CFAP43: variants seen among roughly 807,000 people sequenced by gnomAD.
The protein encoded by CFAP43 is cilia- and flagella-associated protein 43.
Under a neutral mutation model 218.9 loss-of-function variants are expected in CFAP43, and 155 were observed. The observed-to-expected ratio is 0.71, with a 90% confidence interval of 0.62 to 0.81. CFAP43 has a LOEUF of 0.81. CFAP43 is among the 30% of genes least tolerant of loss of function. The probability of loss-of-function intolerance (pLI) is 0.00; values close to 1 mark genes in which losing one functional copy is unlikely to be tolerated. For synonymous variants in CFAP43, 645 were observed against 681.3 expected, an observed-to-expected ratio of 0.95 and a Z score of 0.83; for missense variants, 1,778 against 1,954.3, an observed-to-expected ratio of 0.91 and a Z score of 1.70.
intron 35 of CFAP43, 181 bp downstream of exon 35, chr10:104,133,439 G>T: frequency 1.7e-6 from 1 of 572,768 alleles, no homozygotes; most frequent in Non-Finnish European, 2.8e-6. Flanking sequence ...AATGGGTCAT[G>T]AAGAACTGGA....
At position 104,161,949 on chromosome 10, in the gene CFAP43, C is replaced by T; in HGVS notation, c.3414+12G>A. 1 of 1,610,610 alleles carries T rather than the reference C, an allele frequency of 6.2e-7. No individual in the cohort carries two copies. Among genetic ancestry groups the T allele is most frequent in the Non-Finnish European group, 8.5e-7 (1 of 1,178,444 alleles). On this transcript the variant is annotated intron_variant, in intron 26 of 37. Transcript: ENST00000357060. ...CCATTCCACCTTCTATAAGGATGAA[C>T]AGAAATATCACCATTCTCAAAATAT...
chr10:104,214,470 T>A (rs1452602692), intron 3 of CFAP43, 44 bp from the exon 4 acceptor site: 4 of 1,471,296 alleles, frequency 2.7e-6, no homozygotes, highest in Admixed American at 4.5e-5. Context: ...TCATTTGAAT[T>A]TCATGTATTT....
intron 25 of CFAP43, 121 bp from the exon 26 acceptor site, chr10:104,162,162 T>C: frequency 4.8e-6 from 6 of 1,262,598 alleles, no homozygotes; most frequent in Non-Finnish European, 6.9e-6. Flanking sequence ...GGAAGGTAGG[T>C]AGTGCCTGGA....
At chr10:104,173,955 T>A (rs1279060241) in intron 19 of CFAP43, among the ~76,000 whole-genome samples, 1 of 152,194 alleles carries the variant, frequency 6.6e-6, no homozygotes, top group Non-Finnish European at 1.5e-5. Flanking sequence ...GAGAAGGGTA[T>A]AATTTTACAG....
intron 12 of CFAP43, among the ~76,000 whole-genome samples, chr10:104,190,105 C>T (rs1173639295): frequency 7.0e-6 from 1 of 143,290 alleles, no homozygotes; most frequent in East Asian, 2.1e-4. Context: ...CACTGCACTC[C>T]AGCCTGGGCG....
At chr10:104,179,135 A>G (rs1262327747) in intron 18 of CFAP43, 29 bp from the exon 19 acceptor site, 1 of 1,550,426 alleles carries the variant, frequency 6.4e-7, no homozygotes, top group African/African-American at 1.4e-5. Context: ...ATCACTTAAC[A>G]AAGCAAGAGA....
At chr10:104,218,891 A>G (rs1286877607) in intron 3 of CFAP43, 1 of 498,068 alleles carries the variant, frequency 2.0e-6, no homozygotes, top group Non-Finnish European at 4.1e-6. Context: ...GCAGCATGAC[A>G]GCGGGAGACT....
intron 3 of CFAP43, among the ~76,000 whole-genome samples, chr10:104,215,720 CG>C (rs1554889217): frequency 6.6e-6 from 1 of 151,766 alleles, no homozygotes; most frequent in Non-Finnish European, 1.5e-5. Flanking sequence ...TCCCCTCTCC[CG>C]AAACCTCTAG....
intron 29 of CFAP43, 42 bp from the exon 30 acceptor site, chr10:104,146,391 T>C (rs1479025054): frequency 2.6e-6 from 4 of 1,520,324 alleles, no homozygotes; most frequent in African/African-American, 2.7e-5. Context: ...CTGGAGACTT[T>C]CCAGCATAAA....
intron 6 of CFAP43, among the ~76,000 whole-genome samples, chr10:104,207,434 C>T (rs1305309039): frequency 6.6e-6 from 1 of 152,156 alleles, no homozygotes; most frequent in Non-Finnish European, 1.5e-5. Flanking sequence ...TGTTTCCTAA[C>T]ATATCTCTTC....
intron 2 of CFAP43, among the ~76,000 whole-genome samples, chr10:104,227,209 G>A (rs1332453661): frequency 3.3e-5 from 5 of 152,012 alleles, no homozygotes; most frequent in Non-Finnish European, 5.9e-5. Flanking sequence ...CCATAATACT[G>A]GAGATGTAGG....
intron 36 of CFAP43, among the ~76,000 whole-genome samples, 170 bp downstream of exon 36, chr10:104,131,946 T>G (rs2087215150): frequency 6.6e-6 from 1 of 152,226 alleles, no homozygotes; most frequent in Admixed American, 6.5e-5. Flanking sequence ...TTTATTTCAT[T>G]AGTTGCGGTT....
At chr10:104,147,387 T>G (rs2088027608) in intron 29 of CFAP43, among the ~76,000 whole-genome samples, 1 of 151,978 alleles carries the variant, frequency 6.6e-6, no homozygotes, top group Admixed American at 6.6e-5. Context: ...TGATAAACAT[T>G]TTGTATTCAT....
intron 6 of CFAP43, among the ~76,000 whole-genome samples, chr10:104,207,411 G>A (rs989791980): frequency 6.6e-6 from 1 of 152,138 alleles, no homozygotes; most frequent in African/African-American, 2.4e-5. Context: ...CACAGTTTAC[G>A]TGGACTGGGC....
intron 27 of CFAP43, among the ~76,000 whole-genome samples, chr10:104,157,736 ATGTGTG>A (rs71485761): frequency 4.6e-4 from 49 of 107,216 alleles, no homozygotes; most frequent in African/African-American, 1.9e-3. Context: ...AGCTAACTGG[ATGTGTG>A]TGTGTGTGTG....
At chr10:104,164,009 C>A in intron 24 of CFAP43, 85 bp downstream of exon 24, 1 of 1,388,718 alleles carries the variant, frequency 7.2e-7, no homozygotes, top group East Asian at 2.3e-5. Context: ...ACAATCACTT[C>A]CCACAGAGTA....
Position 104,131,413 on chromosome 10 carries a change from A to G in CFAP43, c.4749T>C (p.Asp1583=), listed in dbSNP as rs574591681. ...KKLGKFSNQK[D]IANYALSCNL... is the part of the protein sequence containing the mutation. ...TGCAGCTTAGGGCATAATTTGCTATATCTTTTTGATTGCTGAACTTTCCAA... is the reference window on the plus strand; with the variant it reads ...TGCAGCTTAGGGCATAATTTGCTATGTCTTTTTGATTGCTGAACTTTCCAA... The change falls in exon 37 of 38, where the codon GAT becomes GAC. Residue 1583 remains aspartate (D), a synonymous_variant. Coordinates refer to ENST00000357060, the MANE Select transcript of CFAP43 (RefSeq NM_025145.7). 1.7e-5 allele frequency: 27 copies of G among 1,613,766 alleles called. No individual in the cohort carries two copies. The African/African-American group carries it at 3.3e-4, about 20-fold the overall frequency.
Position 104,193,879 on chromosome 10 carries a change from C to G in CFAP43, c.1429G>C (p.Val477Leu), listed in dbSNP as rs145913363. The G allele has an allele frequency of 6.2e-7, 1 of 1,613,892 alleles. No individual in the cohort carries two copies. The highest frequency in any genetic ancestry group is 8.5e-7 in the Non-Finnish European group (1 of 1,179,958). ...GAAAGGACTTACACGACGTGCTGCA[C>G]GGACGATTCCGAGAGAAAGGCCTTG... Reference protein sequence around the residue: ...VHKAFLSESSVQHVVYDQQGI... With the variant: ...VHKAFLSESSLQHVVYDQQGI... Residue 477 changes from valine to leucine, a missense_variant, in exon 11 of 38, where the codon GTG becomes CTG. This residue lies in a region of CFAP43 where 1,553 missense variants were observed against 1,685.2 expected (regional missense o/e 0.92). Coordinates refer to ENST00000357060, the MANE Select transcript of CFAP43 (RefSeq NM_025145.7).
chr10:104,219,092 G>A (rs2091105810), intron 3 of CFAP43, among the ~76,000 whole-genome samples: 1 of 152,046 alleles, frequency 6.6e-6, no homozygotes, highest in Admixed American at 6.6e-5. Flanking sequence ...AGTTCAGTTT[G>A]TCCCCCAGCT....
Sources: gnomAD v4.1 joint callset for allele counts (sites outside exome capture counted in the v4.1 genomes callset) on GRCh38, gnomAD v4.1.1 for gene constraint, gnomAD v4.1.1 regional missense constraint, MANE v1.5 for transcripts, NCBI Gene and HGNC (gene_info 2026-07-23, HGNC 2026-07-21) for gene names.